PRKCE: variants seen among roughly 807,000 people sequenced by gnomAD.
PRKCE encodes protein kinase C epsilon type.
PRKCE carries 16 observed loss-of-function variants against 85.4 expected under a neutral mutation model. That is an observed-to-expected ratio of 0.19 (90% CI 0.13 to 0.28). PRKCE has a LOEUF of 0.28. Ranked by LOEUF, PRKCE falls within the 10% of genes least tolerant of loss-of-function variation. The pLI is 1.00. For missense variants in PRKCE, 573 were observed against 975.2 expected (o/e 0.59, Z 5.49); for synonymous variants, 388 against 371.5 (o/e 1.04, Z -0.51).
intron 5 of PRKCE, among the ~76,000 whole-genome samples, chr2:45,984,249 T>C (rs569678624): frequency 2.6e-5 from 4 of 152,202 alleles, no homozygotes; most frequent in South Asian, 2.1e-4. Context: ...GAGGTACACA[T>C]TGAGGACACT....
intron 14 of PRKCE, among the ~76,000 whole-genome samples, chr2:46,176,033 T>C (rs985646705): frequency 2.6e-5 from 4 of 152,182 alleles, no homozygotes; most frequent in Admixed American, 1.3e-4. Context: ...CTCTCAGGTG[T>C]CTAAATGGCT....
intron 1 of PRKCE, among the ~76,000 whole-genome samples, chr2:45,775,609 C>A (rs1028515987): frequency 6.6e-6 from 1 of 152,128 alleles, no homozygotes; most frequent in Non-Finnish European, 1.5e-5. Context: ...GAATCTGACC[C>A]CTTCTCTTCA....
chr2:45,889,217 G>T (rs189020131), intron 2 of PRKCE, among the ~76,000 whole-genome samples: 101 of 152,272 alleles, frequency 6.6e-4, no homozygotes, highest in African/African-American at 2.4e-3. Context: ...GGGTGTGAGT[G>T]CAGGAGAGCT....
At chr2:46,094,083 G>T (rs114778855) in intron 11 of PRKCE, among the ~76,000 whole-genome samples, 1 of 152,118 alleles carries the variant, frequency 6.6e-6, no homozygotes, top group Non-Finnish European at 1.5e-5. Context: ...TTAGGTATAA[G>T]CAGTATTCTA....
At chr2:46,142,103 T>C (rs922187372) in intron 11 of PRKCE, among the ~76,000 whole-genome samples, 1 of 152,070 alleles carries the variant, frequency 6.6e-6, no homozygotes, top group African/African-American at 2.4e-5. Flanking sequence ...AAGAAAACCA[T>C]GAAGGAATCT....
intron 2 of PRKCE, among the ~76,000 whole-genome samples, chr2:45,914,051 TCA>T (rs927531460): frequency 2.6e-4 from 39 of 152,368 alleles, no homozygotes; most frequent in African/African-American, 8.9e-4. Context: ...GTTAACAATG[TCA>T]AGAGCTCTTA....
At chr2:45,912,480 G>C (rs1697453835) in intron 2 of PRKCE, among the ~76,000 whole-genome samples, 1 of 152,156 alleles carries the variant, frequency 6.6e-6, no homozygotes. Context: ...GTGGGTGGGG[G>C]CTGGGGTTCT....
chr2:45,900,074 C>T (rs569275855), intron 2 of PRKCE, among the ~76,000 whole-genome samples: 34 of 152,132 alleles, frequency 2.2e-4, no homozygotes, highest in African/African-American at 5.3e-4. Context: ...TAAGTGGGAA[C>T]GGTTGCTTCG....
chr2:45,690,825 A>G (rs946270322), intron 1 of PRKCE, among the ~76,000 whole-genome samples: 45 of 152,258 alleles, frequency 3.0e-4, no homozygotes, highest in African/African-American at 9.9e-4. Context: ...AAAGGCAATC[A>G]TAGACCATCC....
intron 1 of PRKCE, among the ~76,000 whole-genome samples, chr2:45,840,751 G>C (rs1482644905): frequency 6.6e-6 from 1 of 152,198 alleles, no homozygotes; most frequent in Non-Finnish European, 1.5e-5. Context: ...GCAACAAGAT[G>C]GGGTCAGGAG....
intron 11 of PRKCE, among the ~76,000 whole-genome samples, chr2:46,102,055 T>C (rs1169176270): frequency 6.6e-6 from 1 of 152,074 alleles, no homozygotes; most frequent in Non-Finnish European, 1.5e-5. Context: ...GGAAAGGTGA[T>C]TGTGCGTGTC....
intron 2 of PRKCE, among the ~76,000 whole-genome samples, chr2:45,898,834 A>T (rs868814906): frequency 1.3e-5 from 2 of 152,236 alleles, no homozygotes; most frequent in Non-Finnish European, 2.9e-5. Flanking sequence ...AGGCCATGCC[A>T]TGATGATCAC....
chr2:46,050,719 A>G (rs1039979321), intron 10 of PRKCE, among the ~76,000 whole-genome samples: 1 of 152,244 alleles, frequency 6.6e-6, no homozygotes, highest in Non-Finnish European at 1.5e-5. Context: ...TGCAAAGAGC[A>G]TGACTTGATG....
At chr2:45,951,544 A>G (rs1024513528) in intron 2 of PRKCE, among the ~76,000 whole-genome samples, 2 of 152,222 alleles carry the variant, frequency 1.3e-5, no homozygotes, top group Non-Finnish European at 2.9e-5. Context: ...CTTAGATGTT[A>G]ACCACAAGAT....
At chr2:45,983,708 A>G (rs1369148687) in intron 5 of PRKCE, among the ~76,000 whole-genome samples, 5 of 152,036 alleles carry the variant, frequency 3.3e-5, no homozygotes, top group Admixed American at 2.0e-4. Flanking sequence ...TAACTGAGAT[A>G]ATGGTGCCTG....
At chr2:45,938,627 T>C (rs1558860045) in intron 2 of PRKCE, among the ~76,000 whole-genome samples, 1 of 152,316 alleles carries the variant, frequency 6.6e-6, no homozygotes, top group East Asian at 1.9e-4. Flanking sequence ...CTTTCCTAAC[T>C]TATGGGTCCC....
chr2:45,993,356 C>A (rs976923613), intron 6 of PRKCE, among the ~76,000 whole-genome samples: 3 of 152,242 alleles, frequency 2.0e-5, no homozygotes, highest in Non-Finnish European at 2.9e-5. Context: ...CCTGGCATTT[C>A]CAGACTTTTC....
intron 11 of PRKCE, among the ~76,000 whole-genome samples, chr2:46,133,094 C>G (rs1159640210): frequency 2.6e-5 from 4 of 152,192 alleles, no homozygotes; most frequent in Non-Finnish European, 5.9e-5. Context: ...GTTTTGGCAG[C>G]TTCTGGTCCT....
At chr2:45,764,992 G>A (rs377646466) in intron 1 of PRKCE, among the ~76,000 whole-genome samples, 21 of 152,266 alleles carry the variant, frequency 1.4e-4, no homozygotes, top group Non-Finnish European at 2.9e-5. Context: ...GCTGAAGGAC[G>A]TGGACCCCAT....
Sources: gnomAD v4.1 joint callset for allele counts (sites outside exome capture counted in the v4.1 genomes callset) on GRCh38, gnomAD v4.1.1 for gene constraint, MANE v1.5 for transcripts, NCBI Gene and HGNC (gene_info 2026-07-23, HGNC 2026-07-21) for gene names.